The following JAKMIP1 variants were observed in gnomAD, a reference collection of about 807,000 sequenced individuals.
JAKMIP1 encodes the protein janus kinase and microtubule interacting protein 1.
Under a neutral mutation model 113.0 loss-of-function variants are expected in JAKMIP1, and 33 were observed. The observed-to-expected ratio is 0.29, with a 90% CI of 0.22 to 0.39. The LOEUF (loss-of-function observed/expected upper bound fraction) is 0.39. Ranked by LOEUF, JAKMIP1 falls within the 10% of genes least tolerant of loss-of-function variation. JAKMIP1 has a pLI of 1.00. For missense variants in JAKMIP1, 813 were observed against 1,080.5 expected, an observed-to-expected ratio of 0.75 and a Z score of 3.47; for synonymous variants, 480 against 459.9, an observed-to-expected ratio of 1.04 and a Z score of -0.56.
chr4:6,165,533 C>T (rs762748315), intron 1 of JAKMIP1, among the ~76,000 whole-genome samples: 1 of 152,184 alleles, frequency 6.6e-6, no homozygotes, highest in African/African-American at 2.4e-5. Flanking sequence ...AACTCCTGAC[C>T]TCAAGTGACT....
intron 1 of JAKMIP1, among the ~76,000 whole-genome samples, chr4:6,169,616 T>TGTGTGTGC (rs1724100478): frequency 6.6e-6 from 1 of 151,364 alleles, no homozygotes; most frequent in Non-Finnish European, 1.5e-5. Flanking sequence ...TGTGTGTGTG[T>TGTGTGTGC]GTGTGTGTGT....
Position 6,059,808 on chromosome 4 carries a change from G to A in JAKMIP1, c.1644+616C>T, listed in dbSNP as rs780385341. Among the ~76,000 whole-genome samples the A allele has an allele frequency of 1.3e-5, 2 of 152,042 alleles. No homozygotes were observed. Among genetic ancestry groups the A allele is most frequent in the East Asian group, 1.9e-4 (1 of 5,180 alleles). ...TGACACAGAGGAGGCCGACCCATAC[G>A]AACCTTCGCATGCCACCCCGAGAGG... is the stretch of plus-strand genomic sequence containing the variant. On this transcript the variant is annotated intron_variant, in intron 11 of 20. Transcript: ENST00000409021. This position sits in a 1 kb window ranked among gnomAD's most constrained non-coding sequence, Gnocchi z 4.8.
At position 6,069,220 on chromosome 4, in the gene JAKMIP1, G is replaced by C. The variant is rs1398774158; in HGVS notation, c.1303-4212C>G. Among the ~76,000 whole-genome samples the C allele has an allele frequency of 6.6e-6, 1 of 152,020 alleles. No homozygotes were observed. The highest frequency in any genetic ancestry group is 1.5e-5 in the Non-Finnish European group (1 of 68,006). ...TCCTGTCATGACTGGCACACAGTGGGCTTTAAAAAAAATGGCAAACATGAA... is the reference window on the plus strand; with the variant it reads ...TCCTGTCATGACTGGCACACAGTGGCCTTTAAAAAAAATGGCAAACATGAA... On this transcript the variant is annotated intron_variant, in intron 8 of 20. Coordinates refer to ENST00000409021, the MANE Select transcript of JAKMIP1 (RefSeq NM_001099433.2). The surrounding 1 kb of genome is among the most constrained non-coding windows in gnomAD (Gnocchi z 4.5).
Position 6,094,419 on chromosome 4 carries a change from G to C in JAKMIP1, c.625-8790C>G, listed in dbSNP as rs770264907. Among the ~76,000 whole-genome samples the C allele has an allele frequency of 6.6e-6, 1 of 152,158 alleles. No homozygotes were observed. The highest frequency in any genetic ancestry group is 6.5e-5 in the Admixed American group (1 of 15,272). ...TCCTACCCAACTGACAGGAGGAATC[G>C]TGCTAAGAAAACAGCCTGGCCCCAG... is the stretch of plus-strand genomic sequence containing the variant. On this transcript the variant is annotated intron_variant, in intron 3 of 20. Transcript: ENST00000409021. The surrounding 1 kb of genome is among the most constrained non-coding windows in gnomAD (Gnocchi z 4.2).
chr4:6,104,213 C>T (rs1158727770), intron 3 of JAKMIP1, among the ~76,000 whole-genome samples: 1 of 152,204 alleles, frequency 6.6e-6, no homozygotes. Context: ...GGTAAGTTCA[C>T]GTTGGTTAAT....
rs1045367430 is a variant in JAKMIP1 at position 6,061,411 on chromosome 4, C to T, written c.1560+901G>A. Among the ~76,000 whole-genome samples, 8 of 152,298 alleles carry T rather than the reference C, an allele frequency of 5.3e-5. No individual in the cohort carries two copies. Among genetic ancestry groups the T allele is most frequent in the Middle Eastern group, 6.8e-3 (2 of 294 alleles). The stretch of plus-strand genomic sequence containing the variant: ...GCCCCTGGAACAAACTCCACGTGGG[C>T]GTGGCCTCTCCTCTCTGCCTTTGCC... On this transcript the variant is annotated intron_variant, in intron 10 of 20. Transcript: ENST00000409021. This position sits in a 1 kb window ranked among gnomAD's most constrained non-coding sequence, Gnocchi z 5.3.
At chr4:6,090,560 G>A (rs558640812) in intron 3 of JAKMIP1, among the ~76,000 whole-genome samples, 4 of 152,316 alleles carry the variant, frequency 2.6e-5, no homozygotes, top group East Asian at 3.9e-4. Context: ...CACAGGCCAC[G>A]CAGTATGGGC....
In JAKMIP1 at chr4:6,060,516, G is replaced by A; in HGVS notation, c.1561-9C>T. 6.2e-7 allele frequency: 1 copy of A among 1,611,496 alleles called. No homozygotes were observed. The highest frequency in any genetic ancestry group is 1.3e-5 in the African/African-American group (1 of 75,000). On this transcript the variant is annotated splice_polypyrimidine_tract_variant and intron_variant, in intron 10 of 20. Transcript: ENST00000409021. Reference sequence around the variant, plus strand: ...TGTAGCTGCTCCCGAGTCTGGAAGGGAAAAGACCAGGCAGTGAGCAGGTCA... The same window carrying A: ...TGTAGCTGCTCCCGAGTCTGGAAGGAAAAAGACCAGGCAGTGAGCAGGTCA...
intron 1 of JAKMIP1, among the ~76,000 whole-genome samples, chr4:6,161,223 C>T (rs1358605985): frequency 4.0e-5 from 6 of 148,692 alleles, no homozygotes; most frequent in African/African-American, 1.5e-4. Flanking sequence ...CCACTCATCT[C>T]CCTGACCTCC....
intron 11 of JAKMIP1, 67 bp from the exon 12 acceptor site, chr4:6,056,826 A>T: frequency 9.3e-7 from 1 of 1,077,904 alleles, no homozygotes; most frequent in Non-Finnish European, 1.4e-6. Flanking sequence ...ACAAACTTTT[A>T]GTGAGAAAGG....
At chr4:6,055,002 G>T (rs892862395) in intron 12 of JAKMIP1, among the ~76,000 whole-genome samples, 3 of 152,058 alleles carry the variant, frequency 2.0e-5, no homozygotes, top group Admixed American at 1.3e-4. Context: ...GAGGCCTGGG[G>T]TTGCTCGCTG....
Position 6,194,893 on chromosome 4 carries a change from T to A in JAKMIP1, c.-148+5360A>T, listed in dbSNP as rs1376934083. On this transcript the variant is annotated intron_variant, in intron 1 of 20. Transcript: ENST00000409021. The surrounding 1 kb of genome is among the most constrained non-coding windows in gnomAD (Gnocchi z 7.4). ...GGATGCTTGCAAGCCCTGGAAAGGA[T>A]AAAGGGGCCACCTCAGACCACACAG... is the stretch of plus-strand genomic sequence containing the variant. Among the ~76,000 whole-genome samples the A allele has an allele frequency of 1.3e-5, 2 of 151,890 alleles. No homozygotes were observed. Among genetic ancestry groups the A allele is most frequent in the African/African-American group, 2.4e-5 (1 of 41,322 alleles).
Position 6,106,513 on chromosome 4 carries a change from C to T in JAKMIP1, c.130-546G>A, listed in dbSNP as rs755552714. On this transcript the variant is annotated intron_variant, in intron 2 of 20. Coordinates refer to ENST00000409021, the MANE Select transcript of JAKMIP1 (RefSeq NM_001099433.2). This position sits in a 1 kb window ranked among gnomAD's most constrained non-coding sequence, Gnocchi z 5.9. ...CCTCACGGTCTTGGGAAGGAAGTAG[C>T]GTGCTCCCTCTCTTTCTCCCTCTCT... Among the ~76,000 whole-genome samples the T allele has an allele frequency of 4.0e-5, 6 of 151,300 alleles. No individual in the cohort carries two copies. Among genetic ancestry groups the T allele is most frequent in the African/African-American group, 9.8e-5 (4 of 41,010 alleles).
rs115024133 is a variant in JAKMIP1, at chr4:6,137,550, G to A, written c.-147-24553C>T. 6.2e-3 allele frequency among the ~76,000 whole-genome samples: 951 copies of A among 152,278 alleles called. 13 individuals carry two copies. Among genetic ancestry groups the A allele is most frequent in the African/African-American group, 0.022 (913 of 41,534 alleles). Reference sequence around the variant, plus strand: ...ATCAGGAGCTGTGATTTGGTTGAACGTTCCAGATGGCCTCACTCGAGAGAC... The same window carrying A: ...ATCAGGAGCTGTGATTTGGTTGAACATTCCAGATGGCCTCACTCGAGAGAC... On this transcript the variant is annotated intron_variant, in intron 1 of 20. Transcript: ENST00000409021. This position sits in a 1 kb window ranked among gnomAD's most constrained non-coding sequence, Gnocchi z 4.5.
rs575168746 is a variant in JAKMIP1, at chr4:6,137,362, G to C, written c.-147-24365C>G. On this transcript the variant is annotated intron_variant, in intron 1 of 20. Transcript: ENST00000409021. This position sits in a 1 kb window ranked among gnomAD's most constrained non-coding sequence, Gnocchi z 4.5. ...CTAACAGACGGATCAGCTTTAGACG[G>C]CACTGTTCCCGTACCTTCGCTGGGA... is the stretch of plus-strand genomic sequence containing the variant. Among the ~76,000 whole-genome samples the C allele has an allele frequency of 1.3e-5, 2 of 152,342 alleles. No individual in the cohort carries two copies. Among genetic ancestry groups the C allele is most frequent in the South Asian group, 4.1e-4 (2 of 4,824 alleles).
rs1247304665 is a variant in JAKMIP1, at chr4:6,095,191, G to GGAAGGGAGGAGGGAAATAGAA, written c.625-9583_625-9563dup. Among the ~76,000 whole-genome samples, 12 of 146,562 alleles carry GGAAGGGAGGAGGGAAATAGAA rather than the reference G, an allele frequency of 8.2e-5. 1 individual carries two copies. The highest frequency in any genetic ancestry group is 2.5e-4 in the African/African-American group (10 of 39,448). On this transcript the variant is annotated intron_variant, in intron 3 of 20. Coordinates refer to ENST00000409021, the MANE Select transcript of JAKMIP1 (RefSeq NM_001099433.2). ...AGAAGGGAAGGAAAGGAAGAAGAAA[G>GGAAGGGAGGAGGGAAATAGAA]GAAGGGAGGAGGGAAATAGAAGAAA... is the stretch of plus-strand genomic sequence containing the variant.
At position 6,188,219 on chromosome 4, in the gene JAKMIP1, C is replaced by G. The variant is rs542561012; in HGVS notation, c.-148+12034G>C. Among the ~76,000 whole-genome samples, 3 of 152,266 alleles carry G rather than the reference C, an allele frequency of 2.0e-5. No homozygotes were observed. In the South Asian group the frequency reaches 6.2e-4, roughly 32 times the overall value. ...GGAAGTCTACAGCTTGACCTTCTTA[C>G]AAGGAGGCAGAATGGGGCCACTGTA... On this transcript the variant is annotated intron_variant, in intron 1 of 20. Transcript: ENST00000409021. The surrounding 1 kb of genome is among the most constrained non-coding windows in gnomAD (Gnocchi z 5.8).
intron 1 of JAKMIP1, among the ~76,000 whole-genome samples, chr4:6,124,459 G>T (rs945855448): frequency 6.6e-5 from 10 of 152,158 alleles, no homozygotes; most frequent in African/African-American, 2.4e-4. Context: ...ACCAAGAACT[G>T]TCCTCTATCA....
At chr4:6,099,121 G>A (rs1180036048) in intron 3 of JAKMIP1, among the ~76,000 whole-genome samples, 1 of 152,068 alleles carries the variant, frequency 6.6e-6, no homozygotes, top group African/African-American at 2.4e-5. Flanking sequence ...TTTCCTTCAG[G>A]GAAAGTGGGT....
Sources: allele counts gnomAD v4.1 joint callset (sites outside exome capture counted in the v4.1 genomes callset), GRCh38; gene constraint gnomAD v4.1.1; non-coding constraint Gnocchi (gnomAD v3.1); transcripts MANE v1.5; gene names NCBI Gene and HGNC (gene_info 2026-07-23, HGNC 2026-07-21).